The following ADARB2 variants were observed in gnomAD, a reference collection of about 807,000 sequenced individuals.
The protein encoded by ADARB2 is adenosine deaminase RNA specific B2 (inactive).
ADARB2 carries 25 observed loss-of-function variants against 62.2 expected under a neutral mutation model. The observed-to-expected ratio is 0.40, with a 90% CI of 0.29 to 0.56. The LOEUF (loss-of-function observed/expected upper bound fraction) is 0.56. Among genes scored for constraint, ADARB2 ranks in the 20% least tolerant of loss-of-function variants. The pLI is 0.43. For missense variants in ADARB2, 1,071 were observed against 1,077.4 expected, an observed-to-expected ratio of 0.99 and a Z score of 0.08; for synonymous variants, 572 against 500.8, an observed-to-expected ratio of 1.14 and a Z score of -1.90.
At chr10:1,417,613 G>A (rs56754112) in intron 1 of ADARB2, among the ~76,000 whole-genome samples, 2,192 of 152,336 alleles carry the variant, frequency 0.014, 116 homozygotes, top group East Asian at 0.12. Context: ...CTGACACATG[G>A]ACAGGAGTCT....
At chr10:1,464,676 C>G (rs1216073870) in intron 1 of ADARB2, among the ~76,000 whole-genome samples, 2 of 94,914 alleles carry the variant, frequency 2.1e-5, no homozygotes, top group African/African-American at 7.7e-5. Context: ...CTCCCCCACA[C>G]ACGCGCTGGG....
intron 1 of ADARB2, among the ~76,000 whole-genome samples, chr10:1,606,851 C>G (rs141789129): frequency 1.3e-5 from 2 of 152,190 alleles, no homozygotes; most frequent in South Asian, 2.1e-4. Context: ...GCAAACTAAA[C>G]CTGAGGTTCA....
chr10:1,192,362 C>T (rs960889366), intron 8 of ADARB2, among the ~76,000 whole-genome samples: 8 of 152,154 alleles, frequency 5.3e-5, no homozygotes, highest in South Asian at 4.1e-4. Context: ...TGGCCAGACA[C>T]GCTGCGGGGT....
At chr10:1,605,858 C>G (rs1300003109) in intron 1 of ADARB2, among the ~76,000 whole-genome samples, 1 of 152,170 alleles carries the variant, frequency 6.6e-6, no homozygotes, top group Non-Finnish European at 1.5e-5. Context: ...AGCCCATTAT[C>G]TGGCAAATGA....
At chr10:1,577,696 G>T (rs945927709) in intron 1 of ADARB2, among the ~76,000 whole-genome samples, 1 of 152,148 alleles carries the variant, frequency 6.6e-6, no homozygotes. Context: ...CATCCCTGCC[G>T]CACACGACAC....
intron 1 of ADARB2, among the ~76,000 whole-genome samples, chr10:1,612,178 A>T (rs1316737178): frequency 1.3e-5 from 2 of 152,358 alleles, no homozygotes; most frequent in South Asian, 4.1e-4. Context: ...AGAGAAATTC[A>T]GAAGAGGCTG....
At chr10:1,579,076 C>T (rs948382634) in intron 1 of ADARB2, among the ~76,000 whole-genome samples, 1 of 152,196 alleles carries the variant, frequency 6.6e-6, no homozygotes, top group Admixed American at 6.5e-5. Context: ...GGTGCCCACA[C>T]TGCCTCAGTT....
intron 3 of ADARB2, among the ~76,000 whole-genome samples, chr10:1,271,622 G>C (rs1354642466): frequency 6.9e-6 from 1 of 144,410 alleles, no homozygotes; most frequent in African/African-American, 2.6e-5. Flanking sequence ...ACACGAATAT[G>C]CACACACATG....
At chr10:1,271,597 A>AG (rs898195724) in intron 3 of ADARB2, among the ~76,000 whole-genome samples, 1 of 152,122 alleles carries the variant, frequency 6.6e-6, no homozygotes, top group African/African-American at 2.4e-5. Context: ...CAACACACCT[A>AG]GGGCACACGT....
chr10:1,657,493 T>C (rs1834186567), intron 1 of ADARB2, among the ~76,000 whole-genome samples: 1 of 152,230 alleles, frequency 6.6e-6, no homozygotes, highest in Non-Finnish European at 1.5e-5. Flanking sequence ...CCTCCTCTCT[T>C]GGCCTCAGAC....
chr10:1,331,078 C>T (rs1831924008), intron 3 of ADARB2, among the ~76,000 whole-genome samples: 1 of 152,122 alleles, frequency 6.6e-6, no homozygotes, highest in South Asian at 2.1e-4. Context: ...CAATGAGACA[C>T]CATTTCACAC....
intron 3 of ADARB2, among the ~76,000 whole-genome samples, chr10:1,336,901 G>A (rs1412389007): frequency 1.3e-5 from 2 of 152,042 alleles, no homozygotes; most frequent in Non-Finnish European, 2.9e-5. Context: ...CCTCTGCTCC[G>A]ATTCCTGACT....
chr10:1,218,076 A>T (rs1389218647), intron 6 of ADARB2, among the ~76,000 whole-genome samples: 1 of 151,954 alleles, frequency 6.6e-6, no homozygotes, highest in Non-Finnish European at 1.5e-5. Context: ...TTTGAGATGG[A>T]GTCTCGCTCT....
At chr10:1,415,507 G>A (rs189878344) in intron 1 of ADARB2, among the ~76,000 whole-genome samples, 4 of 66,698 alleles carry the variant, frequency 6.0e-5, no homozygotes, top group East Asian at 5.1e-4. Flanking sequence ...AGATAAACAC[G>A]ACACCTCTTC....
At chr10:1,356,478 C>T (rs1017357301) in intron 3 of ADARB2, among the ~76,000 whole-genome samples, 4 of 152,164 alleles carry the variant, frequency 2.6e-5, no homozygotes, top group African/African-American at 7.2e-5. Flanking sequence ...ACAGCCCCAA[C>T]GATCCATTAC....
chr10:1,289,760 G>A (rs2387638), intron 3 of ADARB2, among the ~76,000 whole-genome samples: 124,404 of 152,268 alleles, frequency 0.82, 52,821 homozygotes, highest in East Asian at 1. Context: ...AGCCCCTGGG[G>A]GGACCGCCCG....
At chr10:1,685,443 T>G (rs955986423) in intron 1 of ADARB2, among the ~76,000 whole-genome samples, 2 of 152,166 alleles carry the variant, frequency 1.3e-5, no homozygotes, top group Admixed American at 6.5e-5. Context: ...ACCTGACACA[T>G]GGAATTCTAA....
chr10:1,729,162 A>G (rs1195124095), intron 1 of ADARB2, among the ~76,000 whole-genome samples: 3 of 152,200 alleles, frequency 2.0e-5, no homozygotes, highest in African/African-American at 7.2e-5. Flanking sequence ...GCATGAATAA[A>G]ATATCTTTGT....
intron 1 of ADARB2, among the ~76,000 whole-genome samples, chr10:1,486,141 C>T (rs1459395284): frequency 6.6e-6 from 1 of 151,922 alleles, no homozygotes; most frequent in African/African-American, 2.4e-5. Context: ...ATCTCAAGCT[C>T]TACTGTAAAC....
Sources: gnomAD v4.1 joint callset for allele counts (sites outside exome capture counted in the v4.1 genomes callset) on GRCh38, gnomAD v4.1.1 for gene constraint, MANE v1.5 for transcripts, NCBI Gene and HGNC (gene_info 2026-07-23, HGNC 2026-07-21) for gene names.